The following PTGFRN variants were observed in gnomAD, a reference collection of about 807,000 sequenced individuals.
The protein encoded by PTGFRN is prostaglandin F2 receptor negative regulator.
Under a neutral mutation model 83.2 loss-of-function variants are expected in PTGFRN, and 35 were observed. The observed-to-expected ratio is 0.42, with a 90% CI of 0.32 to 0.56. The LOEUF is 0.56. Ranked by LOEUF, PTGFRN falls within the 20% of genes least tolerant of loss-of-function variation. The probability of loss-of-function intolerance (pLI) is 0.11; values close to 1 mark genes in which losing one functional copy is unlikely to be tolerated. For synonymous variants in PTGFRN, 519 were observed against 498.6 expected, an observed-to-expected ratio of 1.04 and a Z score of -0.55; for missense variants, 1,051 against 1,179.5, an observed-to-expected ratio of 0.89 and a Z score of 1.60.
intron 1 of PTGFRN, among the ~76,000 whole-genome samples, chr1:116,938,076 T>C (rs1649966075): frequency 6.6e-6 from 1 of 152,150 alleles, no homozygotes; most frequent in African/African-American, 2.4e-5. Context: ...TCTCAAAAAT[T>C]AAATGTAAAA....
intron 6 of PTGFRN, among the ~76,000 whole-genome samples, chr1:116,968,402 A>G (rs904835391): frequency 3.3e-5 from 5 of 152,042 alleles, no homozygotes; most frequent in African/African-American, 1.2e-4. Context: ...CTTTTATGGT[A>G]TATAATATAT....
intron 7 of PTGFRN, among the ~76,000 whole-genome samples, chr1:116,978,973 C>A (rs1651234415): frequency 6.6e-6 from 1 of 152,110 alleles, no homozygotes; most frequent in African/African-American, 2.4e-5. Flanking sequence ...TTTAGAAAAC[C>A]CCATCGTCTC....
At chr1:116,938,610 C>T (rs375177067) in intron 1 of PTGFRN, among the ~76,000 whole-genome samples, 122 of 152,276 alleles carry the variant, frequency 8.0e-4, no homozygotes, top group African/African-American at 2.8e-3. Context: ...GATGAGATTT[C>T]GGTGGGGACA....
chr1:116,973,070 G>C (rs1007090541), intron 6 of PTGFRN, among the ~76,000 whole-genome samples: 2 of 151,984 alleles, frequency 1.3e-5, no homozygotes, highest in African/African-American at 2.4e-5. Flanking sequence ...GGGACTACAG[G>C]TGTGCACCAC....
chr1:116,923,095 T>C lies in PTGFRN; in HGVS notation c.49+12843T>C, dbSNP rs1649576848. 6.6e-6 allele frequency among the ~76,000 whole-genome samples: 1 copy of C among 152,170 alleles called. No individual in the cohort carries two copies. The highest frequency in any genetic ancestry group is 2.4e-5 in the African/African-American group (1 of 41,432). ...CATCGGTTTGTGATGATCTGTTTAT[T>C]AGGATGAGCATTTGTGTGTCTCACC... On this transcript the variant is annotated intron_variant, in intron 1 of 8. Transcript: ENST00000393203. This position sits in a 1 kb window ranked among gnomAD's most constrained non-coding sequence, Gnocchi z 4.0.
At chr1:116,942,916 T>C (rs1337554012) in intron 2 of PTGFRN, among the ~76,000 whole-genome samples, 1 of 152,240 alleles carries the variant, frequency 6.6e-6, no homozygotes, top group African/African-American at 2.4e-5. Flanking sequence ...GTTAATTACT[T>C]TCCTAAAATC....
chr1:116,982,972 G>T (rs890513203), intron 7 of PTGFRN, among the ~76,000 whole-genome samples: 1 of 152,212 alleles, frequency 6.6e-6, no homozygotes, highest in African/African-American at 2.4e-5. Flanking sequence ...ATTTGCTGCA[G>T]CTGGTAATGC....
chr1:116,932,976 A>G (rs1410130405), intron 1 of PTGFRN, among the ~76,000 whole-genome samples: 1 of 152,158 alleles, frequency 6.6e-6, no homozygotes, highest in Non-Finnish European at 1.5e-5. Context: ...GGTAATAGCT[A>G]CCTTATGGTT....
In PTGFRN at chr1:116,987,075, C is replaced by G. The variant is rs1196369767; in HGVS notation, c.*108C>G. ...GTGTTACACTAAAAACCAGTCCTCT[C>G]TAATCTCAGGTGGGACTTGGCGCTC... On this transcript the variant is annotated 3_prime_UTR_variant, in exon 9 of 9. Coordinates refer to ENST00000393203, the MANE Select transcript of PTGFRN (RefSeq NM_020440.4). 7.4e-7 allele frequency: 1 copy of G among 1,348,164 alleles called. No individual in the cohort carries two copies. The highest frequency in any genetic ancestry group is 1.0e-6 in the Non-Finnish European group (1 of 979,242). The allele number at this position is 1,348,164 out of a possible 1,614,324, so 83.5% of individuals were successfully genotyped here.
At chr1:116,969,570 A>C (rs12744581) in intron 6 of PTGFRN, among the ~76,000 whole-genome samples, 1 of 151,864 alleles carries the variant, frequency 6.6e-6, no homozygotes, top group Non-Finnish European at 1.5e-5. Context: ...GATTGTTTTG[A>C]CTATTTTGGA....
In PTGFRN at chr1:116,918,659, G is replaced by A. The variant is rs1649466687; in HGVS notation, c.49+8407G>A. On this transcript the variant is annotated intron_variant, in intron 1 of 8. Transcript: ENST00000393203. The surrounding 1 kb of genome is among the most constrained non-coding windows in gnomAD (Gnocchi z 4.1). ...GTCAGAGTCTGAGCTGGAGGAGAGT[G>A]GGCTGGGGCTGGACCCCACGGGAAT... Among the ~76,000 whole-genome samples the A allele has an allele frequency of 6.6e-6, 1 of 152,208 alleles. No homozygotes were observed. Among genetic ancestry groups the A allele is most frequent in the Non-Finnish European group, 1.5e-5 (1 of 68,038 alleles).
intron 7 of PTGFRN, among the ~76,000 whole-genome samples, chr1:116,979,435 A>G (rs1472280024): frequency 1.3e-5 from 2 of 152,246 alleles, no homozygotes; most frequent in African/African-American, 4.8e-5. Context: ...CCAAAAGAAC[A>G]AAGCTGGAGG....
chr1:116,982,598 T>C (rs1651350760), intron 7 of PTGFRN, among the ~76,000 whole-genome samples: 1 of 151,294 alleles, frequency 6.6e-6, no homozygotes, highest in Non-Finnish European at 1.5e-5. Flanking sequence ...ATTGAGGGAG[T>C]GTTCTCAGGA....
chr1:116,922,862 T>C (rs1649572221), intron 1 of PTGFRN, among the ~76,000 whole-genome samples: 1 of 152,190 alleles, frequency 6.6e-6, no homozygotes, highest in Admixed American at 6.5e-5. Flanking sequence ...GACTGGAAGA[T>C]AGATGCACAC....
Position 116,944,673 on chromosome 1 carries a change from C to T in PTGFRN, c.419-6C>T, listed in dbSNP as rs763243703. On this transcript the variant is annotated splice_region_variant and splice_polypyrimidine_tract_variant and intron_variant, in intron 2 of 8. Coordinates refer to ENST00000393203, the MANE Select transcript of PTGFRN (RefSeq NM_020440.4). ...GGGCTACTGACCTAGCTTTCTCTCT[C>T]CGCAGTGCTGGCCGACTCCCTGCAC... 7.3e-4 allele frequency: 1,027 copies of T among 1,416,424 alleles called. 2 individuals are homozygous for T. The highest frequency in any genetic ancestry group is 8.6e-4 in the Non-Finnish European group (930 of 1,086,522). 87.7% of individuals were successfully genotyped at this position (1,416,424 alleles called of 1,614,324 possible). A position where few individuals can be genotyped will look rare whatever the true frequency, so the allele number is the denominator to read the frequency against.
In PTGFRN at chr1:116,923,162, C is replaced by G. The variant is rs530782259; in HGVS notation, c.49+12910C>G. ...GAAAGCAGGATCATGTCTGTTTTTGCTTACCCCAGCATGTAGGAACTTGAA... is the reference window on the plus strand; with the variant it reads ...GAAAGCAGGATCATGTCTGTTTTTGGTTACCCCAGCATGTAGGAACTTGAA... On this transcript the variant is annotated intron_variant, in intron 1 of 8. Coordinates refer to ENST00000393203, the MANE Select transcript of PTGFRN (RefSeq NM_020440.4). The surrounding 1 kb of genome is among the most constrained non-coding windows in gnomAD (Gnocchi z 4.0). Among the ~76,000 whole-genome samples the G allele has an allele frequency of 3.5e-4, 54 of 152,258 alleles. No homozygotes were observed. In the South Asian group the frequency reaches 5.4e-3, roughly 15 times the overall value.
Position 116,944,715 on chromosome 1 carries a change from G to T in PTGFRN, c.455G>T (p.Arg152Leu). The T allele has an allele frequency of 7.1e-7, 1 of 1,410,276 alleles. No homozygotes were observed. The highest frequency in any genetic ancestry group is 3.5e-5 in the Admixed American group (1 of 28,836). 87.4% of individuals were successfully genotyped at this position (1,410,276 alleles called of 1,614,324 possible). A position where few individuals can be genotyped will look rare whatever the true frequency, so the allele number is the denominator to read the frequency against. ...TCCCTGCACGTGGGCCCCAGCGCGC[G>T]GCCCCCGCCGAGCCTGAGCCTGCGG... ...ADSLHVGPSA[R>L]PPPSLSLREG... Residue 152 changes from arginine to leucine, a missense_variant, in exon 3 of 9, where the codon CGG becomes CTG. Transcript: ENST00000393203.
chr1:116,974,039 C>T (rs1226533708), intron 6 of PTGFRN, among the ~76,000 whole-genome samples, 177 bp from the exon 7 acceptor site: 3 of 152,180 alleles, frequency 2.0e-5, no homozygotes, highest in Non-Finnish European at 4.4e-5. Flanking sequence ...CTTGGATGTG[C>T]CTAATGCCCA....
At chr1:116,973,815 A>G (rs564018097) in intron 6 of PTGFRN, among the ~76,000 whole-genome samples, 68 of 152,240 alleles carry the variant, frequency 4.5e-4, no homozygotes, top group Non-Finnish European at 7.4e-4. Context: ...CTCCACTGGA[A>G]CCAAAAGCTT....
Sources: allele counts gnomAD v4.1 joint callset (sites outside exome capture counted in the v4.1 genomes callset), GRCh38; gene constraint gnomAD v4.1.1; non-coding constraint Gnocchi (gnomAD v3.1); transcripts MANE v1.5; gene names NCBI Gene and HGNC (gene_info 2026-07-23, HGNC 2026-07-21).